SLC1A5: variants seen among roughly 807,000 people sequenced by gnomAD.
The protein encoded by SLC1A5 is solute carrier family 1 member 5, also known as neutral amino acid transporter B(0).
SLC1A5 carries 25 observed loss-of-function variants against 34.9 expected under a neutral mutation model. The observed-to-expected ratio is 0.72, with a 90% confidence interval of 0.52 to 1.00. The LOEUF is 1.00. Among genes scored for constraint, SLC1A5 ranks in the 50% least tolerant of loss-of-function variants. SLC1A5 has a pLI of 0.00. For synonymous variants in SLC1A5, 351 were observed against 341.2 expected (o/e 1.03, Z -0.32); for missense variants, 637 against 740.0 (o/e 0.86, Z 1.61).
At chr19:46,776,016 G>A (rs1330329092) in intron 7 of SLC1A5, among the ~76,000 whole-genome samples, 2 of 151,836 alleles carry the variant, frequency 1.3e-5, no homozygotes, top group Non-Finnish European at 2.9e-5. Context: ...GGGAGGTGGA[G>A]GCTGCAGTGA....
At chr19:46,783,177 C>T (rs975790575) in intron 3 of SLC1A5, among the ~76,000 whole-genome samples, 7 of 152,134 alleles carry the variant, frequency 4.6e-5, no homozygotes, top group African/African-American at 1.7e-4. Context: ...TTGAAAAGAT[C>T]CTCGGGCGGA....
intron 4 of SLC1A5, 37 bp downstream of exon 4, chr19:46,782,346 A>ACCCCCCCCCCCCCCCCCCCCCACCCCCCC: frequency 3.5e-6 from 2 of 567,986 alleles, no homozygotes; most frequent in East Asian, 3.6e-5. Context: ...CGACCCTCCA[A>ACCCCCCCCCCCCCCCCCCCCCACCCCCCC]CCCCACCCAC....
chr19:46,788,124 T>C lies in SLC1A5; in HGVS notation c.-159A>G, dbSNP rs2055200067. ...AGTTGTGAGTTCACAGCACTGAAGT[T>C]CCTTGGCTCTTGGAAGCTGGAGTGT... On this transcript the variant is annotated 5_prime_UTR_variant, in exon 1 of 8. Coordinates refer to ENST00000542575, the MANE Select transcript of SLC1A5 (RefSeq NM_005628.3). The C allele has an allele frequency of 1.5e-6, 1 of 649,438 alleles. No individual in the cohort carries two copies. Among genetic ancestry groups the C allele is most frequent in the Non-Finnish European group, 2.6e-6 (1 of 388,894 alleles). 40.2% of individuals were successfully genotyped at this position (649,438 alleles called of 1,614,324 possible). A position where few individuals can be genotyped will look rare whatever the true frequency, so the allele number is the denominator to read the frequency against.
intron 3 of SLC1A5, 31 bp from the exon 4 acceptor site, chr19:46,782,580 G>A: frequency 6.2e-7 from 1 of 1,612,376 alleles, no homozygotes; most frequent in Non-Finnish European, 8.5e-7. Flanking sequence ...GGGGTGGAAA[G>A]GACACTCAGT....
At chr19:46,780,775 A>G (rs1256385863) in intron 4 of SLC1A5, among the ~76,000 whole-genome samples, 1 of 151,954 alleles carries the variant, frequency 6.6e-6, no homozygotes, top group South Asian at 2.1e-4. Context: ...GTTTGAGACC[A>G]GCCTGGCCAA....
In SLC1A5 at chr19:46,787,162, T is replaced by C. The variant is rs1447645903; in HGVS notation, c.566+238A>G. The C allele has an allele frequency of 6.5e-6, 8 of 1,236,090 alleles. No individual in the cohort carries two copies. In the Admixed American group the frequency reaches 2.9e-4, roughly 44 times the overall value. 76.6% of individuals were successfully genotyped at this position (1,236,090 alleles called of 1,614,324 possible). ...TCCTATGTCTCCCCAAATCACTTTCTTCTCCCTCTATAAGACCCCACTTAT... is the reference window on the plus strand; with the variant it reads ...TCCTATGTCTCCCCAAATCACTTTCCTCTCCCTCTATAAGACCCCACTTAT... On this transcript the variant is annotated intron_variant, in intron 1 of 7. Coordinates refer to ENST00000542575, the MANE Select transcript of SLC1A5 (RefSeq NM_005628.3). This position sits in a 1 kb window ranked among gnomAD's most constrained non-coding sequence, Gnocchi z 5.2.
In SLC1A5 at chr19:46,777,080, GC is replaced by G. The variant is rs1471112250; in HGVS notation, c.1282del (p.Ala428GlnfsTer28). 6.2e-7 allele frequency: 1 copy of G among 1,613,940 alleles called. No individual in the cohort carries two copies. The highest frequency in any genetic ancestry group is 8.5e-7 in the Non-Finnish European group (1 of 1,179,984). On this transcript the variant is annotated frameshift_variant, in exon 7 of 8. Coordinates refer to ENST00000542575, the MANE Select transcript of SLC1A5 (RefSeq NM_005628.3). LOFTEE classifies it high-confidence loss of function. ...GACACCTCCAGCAGGGATGCCCGCTGCCCCCACGCTGGACGCTGTGGCCGTG... is the reference window on the plus strand; with the variant it reads ...GACACCTCCAGCAGGGATGCCCGCTGCCCCACGCTGGACGCTGTGGCCGTG... ...LVTATASSVG[A>X]AGIPAGGVLT... is the part of the protein sequence containing the mutation.
intron 4 of SLC1A5, among the ~76,000 whole-genome samples, chr19:46,780,402 G>A (rs112504346): frequency 0.12 from 17,674 of 151,806 alleles, 1,091 homozygotes; most frequent in African/African-American, 0.14. Context: ...TGCCCAGGCT[G>A]GAGTGTACTG....
At chr19:46,786,970 C>T (rs1357068320) in intron 1 of SLC1A5, among the ~76,000 whole-genome samples, 1 of 152,138 alleles carries the variant, frequency 6.6e-6, no homozygotes, top group African/African-American at 2.4e-5. Flanking sequence ...GTGGGAGTTA[C>T]TCAGATCTCA....
chr19:46,788,228 C>G lies in SLC1A5; in HGVS notation c.-263G>C, dbSNP rs1297577271. ...ATGTCCGAAAGCTGGGAGTTCGGAGCGCCCGGGTTCCTTGGCCCTAGGAGC... is the reference window on the plus strand; with the variant it reads ...ATGTCCGAAAGCTGGGAGTTCGGAGGGCCCGGGTTCCTTGGCCCTAGGAGC... On this transcript the variant is annotated 5_prime_UTR_variant, in exon 1 of 8. Coordinates refer to ENST00000542575, the MANE Select transcript of SLC1A5 (RefSeq NM_005628.3). The G allele has an allele frequency of 4.4e-6, 2 of 453,822 alleles. No individual in the cohort carries two copies. Among genetic ancestry groups the G allele is most frequent in the East Asian group, 3.8e-5 (1 of 26,284 alleles). 28.1% of individuals were successfully genotyped at this position (453,822 alleles called of 1,614,324 possible). A position where few individuals can be genotyped will look rare whatever the true frequency, so the allele number is the denominator to read the frequency against.
chr19:46,778,880 C>A lies in SLC1A5; in HGVS notation c.853G>T (p.Val285Leu), dbSNP rs1305324732. The A allele has an allele frequency of 1.1e-5, 17 of 1,582,930 alleles. No individual in the cohort carries two copies. Among genetic ancestry groups the A allele is most frequent in the Non-Finnish European group, 1.5e-5 (17 of 1,164,948 alleles). Reference protein sequence around the residue: ...WYAPVGIMFLVAGKIVEMEDV... With the variant: ...WYAPVGIMFLLAGKIVEMEDV... ...TCCATCTCCACGATCTTGCCAGCCACCAGGAACATGATGCCCACAGGGGCG... is the reference window on the plus strand; with the variant it reads ...TCCATCTCCACGATCTTGCCAGCCAACAGGAACATGATGCCCACAGGGGCG... Residue 285 changes from valine (V) to leucine (L), a missense_variant, in exon 5 of 8, where the codon GTG (valine) becomes TTG (leucine). By Grantham distance (32) the Val-to-Leu change is conservative. Transcript: ENST00000542575.
Position 46,788,196 on chromosome 19 carries a change from G to C in SLC1A5, c.-231C>G, listed in dbSNP as rs2055200393. 2 of 486,054 alleles carry C rather than the reference G, an allele frequency of 4.1e-6. No homozygotes were observed. The highest frequency in any genetic ancestry group is 4.1e-5 in the African/African-American group (2 of 49,106). 30.1% of individuals were successfully genotyped at this position (486,054 alleles called of 1,614,324 possible). ...CTGAGGCTTCTCTGCTCTGCCCCGT[G>C]TGCCAGATGTCCGAAAGCTGGGAGT... On this transcript the variant is annotated 5_prime_UTR_variant, in exon 1 of 8. Coordinates refer to ENST00000542575, the MANE Select transcript of SLC1A5 (RefSeq NM_005628.3).
rs1244312106 is a variant in SLC1A5, at chr19:46,787,273, G to C, written c.566+127C>G. The C allele has an allele frequency of 5.5e-6, 8 of 1,462,508 alleles. No homozygotes were observed. Among genetic ancestry groups the C allele is most frequent in the Non-Finnish European group, 7.2e-6 (8 of 1,106,404 alleles). 90.6% of individuals were successfully genotyped at this position (1,462,508 alleles called of 1,614,324 possible). A position where few individuals can be genotyped will look rare whatever the true frequency, so the allele number is the denominator to read the frequency against. Reference sequence around the variant, plus strand: ...GGCTGGAGCCTCCCCTCAATATCCTGTCGAGTTTTCCTAAGACTCTAGAGG... The same window carrying C: ...GGCTGGAGCCTCCCCTCAATATCCTCTCGAGTTTTCCTAAGACTCTAGAGG... On this transcript the variant is annotated intron_variant, in intron 1 of 7. Transcript: ENST00000542575. The surrounding 1 kb of genome is among the most constrained non-coding windows in gnomAD (Gnocchi z 5.2).
intron 3 of SLC1A5, among the ~76,000 whole-genome samples, chr19:46,783,042 A>AG (rs1006357415): frequency 6.6e-6 from 1 of 152,208 alleles, no homozygotes; most frequent in Non-Finnish European, 1.5e-5. Flanking sequence ...GCGGGCTGGC[A>AG]GGGGTTTGAC....
At position 46,778,817 on chromosome 19, in the gene SLC1A5, T is replaced by A; in HGVS notation, c.916A>T (p.Ile306Phe). 9 of 1,612,530 alleles carry A rather than the reference T, an allele frequency of 5.6e-6. No individual in the cohort carries two copies. Among genetic ancestry groups the A allele is most frequent in the Non-Finnish European group, 7.6e-6 (9 of 1,179,306 alleles). The change falls in exon 5 of 8, where the codon ATT (isoleucine) becomes TTT (phenylalanine). Residue 306 changes from isoleucine to phenylalanine, a missense_variant. Ile to Phe is a conservative substitution (Grantham distance 21). Transcript: ENST00000542575. ...GCGTGACCCAGCAGGCAGCACAGAA[T>A]GTACTTGCCAAGGCGGGCAAAGAGT... is the stretch of plus-strand genomic sequence containing the variant. Reference protein sequence around the residue: ...GLLFARLGKYILCCLLGHAIH... With the variant: ...GLLFARLGKYFLCCLLGHAIH...
chr19:46,777,761 G>A (rs552657950), intron 5 of SLC1A5, among the ~76,000 whole-genome samples: 176 of 135,788 alleles, frequency 1.3e-3, no homozygotes, highest in African/African-American at 4.5e-3. Context: ...TCCCACCCAC[G>A]TCCCCAGTCT....
chr19:46,779,466 A>G (rs2055128101), intron 4 of SLC1A5, among the ~76,000 whole-genome samples: 1 of 150,176 alleles, frequency 6.7e-6, no homozygotes, highest in East Asian at 2.0e-4. Flanking sequence ...TTCCATCACC[A>G]TGTGAAGCAG....
chr19:46,775,865 A>G, intron 7 of SLC1A5, 118 bp from the exon 8 acceptor site: 29 of 1,110,440 alleles, frequency 2.6e-5, no homozygotes, highest in Non-Finnish European at 3.2e-5. Flanking sequence ...GTAAAAATTA[A>G]GAGTTGGAGT....
chr19:46,784,336 G>A (rs1234155847), intron 2 of SLC1A5, among the ~76,000 whole-genome samples, 181 bp downstream of exon 2: 1 of 152,088 alleles, frequency 6.6e-6, no homozygotes, highest in African/African-American at 2.4e-5. Flanking sequence ...GGCTCAGAGA[G>A]GTAAACACAT....
Sources: gnomAD v4.1 joint callset for allele counts (sites outside exome capture counted in the v4.1 genomes callset) on GRCh38, gnomAD v4.1.1 for gene constraint, Gnocchi (gnomAD v3.1) non-coding constraint, MANE v1.5 for transcripts, NCBI Gene and HGNC (gene_info 2026-07-23, HGNC 2026-07-21) for gene names.